AP3B1: variants seen among roughly 807,000 people sequenced by gnomAD.
AP3B1 encodes the protein AP-3 complex subunit beta-1.
Under a neutral mutation model 132.5 loss-of-function variants are expected in AP3B1, and 61 were observed. The observed-to-expected ratio is 0.46, with a 90% CI of 0.37 to 0.57. AP3B1 has a LOEUF of 0.57. AP3B1 is among the 20% of genes least tolerant of loss of function. The pLI is 0.00. For synonymous variants in AP3B1, 388 were observed against 438.3 expected (o/e 0.89, Z 1.43); for missense variants, 1,120 against 1,289.4 (o/e 0.87, Z 2.01).
At chr5:78,106,358 T>C (rs542905026) in intron 20 of AP3B1, among the ~76,000 whole-genome samples, 1 of 152,064 alleles carries the variant, frequency 6.6e-6, no homozygotes, top group Non-Finnish European at 1.5e-5. Flanking sequence ...CCCAGGAGGC[T>C]GAGGTGGGAG....
At chr5:78,220,497 G>T (rs754224254) in intron 6 of AP3B1, among the ~76,000 whole-genome samples, 14 of 151,656 alleles carry the variant, frequency 9.2e-5, no homozygotes, top group Non-Finnish European at 1.9e-4. Flanking sequence ...AAACTGCCTG[G>T]AACAAAGCAA....
intron 17 of AP3B1, among the ~76,000 whole-genome samples, chr5:78,127,464 G>C (rs192458803): frequency 1.5e-3 from 232 of 152,140 alleles, no homozygotes; most frequent in African/African-American, 5.5e-3. Flanking sequence ...TTTTTTTAAA[G>C]ATTGAGAAAA....
At chr5:78,048,493 C>T (rs1219881554) in intron 22 of AP3B1, among the ~76,000 whole-genome samples, 1 of 152,112 alleles carries the variant, frequency 6.6e-6, no homozygotes. Flanking sequence ...GGACATTTGG[C>T]CCAATGAGTT....
chr5:78,073,728 TTAA>T (rs1381166280), intron 22 of AP3B1, among the ~76,000 whole-genome samples: 2 of 152,166 alleles, frequency 1.3e-5, no homozygotes, highest in Non-Finnish European at 2.9e-5. Context: ...TGTGGTATAT[TTAA>T]TAATAATAAT....
At chr5:78,177,844 A>G (rs1744213037) in intron 8 of AP3B1, among the ~76,000 whole-genome samples, 1 of 152,234 alleles carries the variant, frequency 6.6e-6, no homozygotes, top group Admixed American at 6.5e-5. Context: ...ACCAGAAGCC[A>G]GGAAAGAGAA....
intron 22 of AP3B1, among the ~76,000 whole-genome samples, chr5:78,064,518 T>A (rs1580301332): frequency 6.6e-6 from 1 of 152,152 alleles, no homozygotes; most frequent in Admixed American, 6.5e-5. Flanking sequence ...ATGATTCTGA[T>A]GAAAATTTTT....
chr5:78,293,127 C>A (rs13171025), intron 1 of AP3B1, among the ~76,000 whole-genome samples: 32,773 of 152,098 alleles, frequency 0.22, 4,395 homozygotes, highest in Middle Eastern at 0.31. Flanking sequence ...GATCCGCCCA[C>A]CTCACCCTCC....
At chr5:78,182,262 A>AAAAC (rs1247543397) in intron 7 of AP3B1, among the ~76,000 whole-genome samples, 1 of 152,238 alleles carries the variant, frequency 6.6e-6, no homozygotes, top group Non-Finnish European at 1.5e-5. Flanking sequence ...TTTAGTGCTC[A>AAAAC]AAACAAACAA....
chr5:78,050,410 G>C (rs1032945030), intron 22 of AP3B1, among the ~76,000 whole-genome samples: 11 of 151,898 alleles, frequency 7.2e-5, no homozygotes, highest in African/African-American at 2.7e-4. Flanking sequence ...AATGATTATG[G>C]AAATTTGCAA....
At chr5:78,261,152 T>C (rs1394817421) in intron 2 of AP3B1, among the ~76,000 whole-genome samples, 1 of 152,260 alleles carries the variant, frequency 6.6e-6, no homozygotes, top group Non-Finnish European at 1.5e-5. Flanking sequence ...GATTATGTGA[T>C]AATTCCATTT....
chr5:78,209,950 C>T (rs756977459), intron 7 of AP3B1, among the ~76,000 whole-genome samples: 2 of 151,952 alleles, frequency 1.3e-5, no homozygotes, highest in East Asian at 1.9e-4. Flanking sequence ...AAAAAGAATA[C>T]GGAATCTTTA....
intron 22 of AP3B1, among the ~76,000 whole-genome samples, chr5:78,045,380 C>CAA (rs71608139): frequency 1.2e-3 from 75 of 63,788 alleles, no homozygotes; most frequent in East Asian, 7.0e-3. Context: ...GGCTCTGTCT[C>CAA]AAAAAAAAAA....
chr5:78,121,971 A>G (rs1373188691), intron 17 of AP3B1: 1 of 152,328 alleles, frequency 6.6e-6, no homozygotes, highest in Admixed American at 6.5e-5. Flanking sequence ...AACCGAATCC[A>G]GCAGCACATC....
At position 78,228,243 on chromosome 5, in the gene AP3B1, T is replaced by C; in HGVS notation, c.280-4A>G. On this transcript the variant is annotated splice_polypyrimidine_tract_variant and splice_region_variant and intron_variant, in intron 3 of 26. Coordinates refer to ENST00000255194, the MANE Select transcript of AP3B1 (RefSeq NM_003664.5). Reference sequence around the variant, plus strand: ...AAACATATACCAACTTCTTGATCTGTTAAAAAAAAATCATTTATTCATAAC... The same window carrying C: ...AAACATATACCAACTTCTTGATCTGCTAAAAAAAAATCATTTATTCATAAC... 6.3e-7 allele frequency: 1 copy of C among 1,586,644 alleles called. No homozygotes were observed. Among genetic ancestry groups the C allele is most frequent in the Non-Finnish European group, 8.6e-7 (1 of 1,167,002 alleles).
intron 2 of AP3B1, among the ~76,000 whole-genome samples, 158 bp from the exon 3 acceptor site, chr5:78,241,094 G>A (rs750020467): frequency 1.3e-5 from 2 of 151,820 alleles, no homozygotes; most frequent in Non-Finnish European, 2.9e-5. Context: ...ATCTTGTACA[G>A]CAATATAAAT....
In AP3B1 at chr5:78,128,052, C is replaced by T. The variant is rs748191084; in HGVS notation, c.1946G>A (p.Arg649Gln). ...WPEVAPDPSV[R>Q]NVEVIELAKE... ...TACCAACTCTATTACTTCTACATTT[C>T]GAACTGATGGGTCGGGCGCCACCTC... is the stretch of plus-strand genomic sequence containing the variant. Residue 649 changes from arginine to glutamine, a missense_variant, in exon 17 of 27, where the codon CGA (arginine) becomes CAA (glutamine). This residue lies in a region of AP3B1 where 906 missense variants were observed against 997.1 expected (regional missense o/e 0.91). Transcript: ENST00000255194. 4.3e-6 allele frequency: 7 copies of T among 1,612,924 alleles called. No homozygotes were observed. Among genetic ancestry groups the T allele is most frequent in the African/African-American group, 2.7e-5 (2 of 74,858 alleles).
At chr5:78,291,191 C>T (rs1420969534) in intron 1 of AP3B1, among the ~76,000 whole-genome samples, 1 of 151,572 alleles carries the variant, frequency 6.6e-6, no homozygotes, top group Non-Finnish European at 1.5e-5. Context: ...TAGGAAGTAC[C>T]TAGGCATCAT....
chr5:78,065,364 G>A (rs985453415), intron 22 of AP3B1, among the ~76,000 whole-genome samples: 2 of 152,112 alleles, frequency 1.3e-5, no homozygotes, highest in Admixed American at 1.3e-4. Context: ...GCTTTGGCAG[G>A]GGAAGGGGGG....
intron 22 of AP3B1, among the ~76,000 whole-genome samples, chr5:78,071,534 C>T (rs989862957): frequency 6.6e-6 from 1 of 152,178 alleles, no homozygotes; most frequent in Non-Finnish European, 1.5e-5. Flanking sequence ...CAAACCTGCA[C>T]ATCTTGCACA....
Sources: allele counts gnomAD v4.1 joint callset (sites outside exome capture counted in the v4.1 genomes callset), GRCh38; gene constraint gnomAD v4.1.1; regional missense constraint gnomAD v4.1.1; transcripts MANE v1.5; gene names NCBI Gene and HGNC (gene_info 2026-07-23, HGNC 2026-07-21).